The following ARL13B variants were observed in gnomAD, a reference collection of about 807,000 sequenced individuals.
ARL13B encodes the protein ADP-ribosylation factor-like protein 13B.
ARL13B carries 36 observed loss-of-function variants against 56.1 expected under a neutral mutation model. The ratio of observed to expected loss-of-function variants is 0.64; its 90% CI spans 0.49 to 0.85. ARL13B has a LOEUF of 0.85. Among genes scored for constraint, ARL13B ranks in the 40% least tolerant of loss-of-function variants. The probability of loss-of-function intolerance (pLI) is 0.00; values close to 1 mark genes in which losing one functional copy is unlikely to be tolerated. For missense variants in ARL13B, 519 were observed against 507.1 expected, an observed-to-expected ratio of 1.02 and a Z score of -0.23; for synonymous variants, 178 against 171.1, an observed-to-expected ratio of 1.04 and a Z score of -0.32.
rs1230469367 is a variant in ARL13B at position 94,053,862 on chromosome 3, G to C, written c.*599G>C. ...AACAGGATATATTTATATGGCTTGA[G>C]GTATGTTTTGTAATAGCGTTGTTCT... On this transcript the variant is annotated 3_prime_UTR_variant, in exon 10 of 10. Coordinates refer to ENST00000394222, the MANE Select transcript of ARL13B (RefSeq NM_001174150.2). 3.3e-6 allele frequency: 1 copy of C among 305,146 alleles called. No individual in the cohort carries two copies. The highest frequency in any genetic ancestry group is 6.4e-6 in the Non-Finnish European group (1 of 156,486). 18.9% of individuals were successfully genotyped at this position (305,146 alleles called of 1,614,324 possible).
At chr3:94,008,297 C>G (rs1303021237) in intron 3 of ARL13B, among the ~76,000 whole-genome samples, 1 of 152,062 alleles carries the variant, frequency 6.6e-6, no homozygotes, top group Admixed American at 6.6e-5. Flanking sequence ...TTGCCTGCTC[C>G]CCACCCCCCT....
intron 1 of ARL13B, among the ~76,000 whole-genome samples, chr3:93,985,798 G>A: frequency 6.6e-6 from 1 of 152,088 alleles, no homozygotes; most frequent in East Asian, 1.9e-4. Context: ...TTGTCCATCT[G>A]TGTTTTTTCA....
In ARL13B at chr3:94,055,286, G is replaced by T; in HGVS notation, c.*2023G>T. ...TAAAAATAATTTATATCAATATTCT[G>T]TTTCTCTTTTCAATTGGTAGATTTA... On this transcript the variant is annotated 3_prime_UTR_variant, in exon 10 of 10. Coordinates refer to ENST00000394222, the MANE Select transcript of ARL13B (RefSeq NM_001174150.2). 2.4e-6 allele frequency: 1 copy of T among 414,890 alleles called. No individual in the cohort carries two copies. The highest frequency in any genetic ancestry group is 4.7e-6 in the Non-Finnish European group (1 of 213,052). 25.7% of individuals were successfully genotyped at this position (414,890 alleles called of 1,614,324 possible). A position where few individuals can be genotyped will look rare whatever the true frequency, so the allele number is the denominator to read the frequency against.
At chr3:94,006,187 C>T (rs1468012439) in intron 3 of ARL13B, among the ~76,000 whole-genome samples, 2 of 151,848 alleles carry the variant, frequency 1.3e-5, no homozygotes, top group Admixed American at 6.6e-5. Flanking sequence ...CCCAGCTACT[C>T]GGGAGGCTGA....
At chr3:94,007,201 GCTT>G (rs1293882067) in intron 3 of ARL13B, among the ~76,000 whole-genome samples, 1 of 152,156 alleles carries the variant, frequency 6.6e-6, no homozygotes, top group Non-Finnish European at 1.5e-5. Context: ...CCTCTGAAAA[GCTT>G]CATTTAATAG....
At position 94,045,287 on chromosome 3, in the gene ARL13B, C is replaced by T. The variant is rs147364290; in HGVS notation, c.1024+2047C>T. 3.1e-3 allele frequency among the ~76,000 whole-genome samples: 476 copies of T among 151,880 alleles called. 3 individuals are homozygous for T. The highest frequency in any genetic ancestry group is 0.011 in the African/African-American group (445 of 41,410). ...CGTCACCACTCCCTAGTCTGAAGTACCCAGGGACACAAACACTGCGGAAGG... is the reference window on the plus strand; with the variant it reads ...CGTCACCACTCCCTAGTCTGAAGTATCCAGGGACACAAACACTGCGGAAGG... On this transcript the variant is annotated intron_variant, in intron 7 of 9. Transcript: ENST00000394222.
Position 94,036,577 on chromosome 3 carries a change from A to G in ARL13B, c.512A>G (p.Tyr171Cys), listed in dbSNP as rs1311969127. Reference sequence around the variant, plus strand: ...GAACCATGTTCAGCAATCTCGGGGTATGGAAAGAAAATTGACAAGTCCATT... The same window carrying G: ...GAACCATGTTCAGCAATCTCGGGGTGTGGAAAGAAAATTGACAAGTCCATT... ...QIEPCSAISG[Y>C]GKKIDKSIKK... The change falls in exon 5 of 10, where the codon TAT (tyrosine) becomes TGT (cysteine). Residue 171 changes from tyrosine (Y) to cysteine (C), a missense_variant. By Grantham distance (194) the Tyr-to-Cys change is radical. Coordinates refer to ENST00000394222, the MANE Select transcript of ARL13B (RefSeq NM_001174150.2). 8 of 1,614,104 alleles carry G rather than the reference A, an allele frequency of 5.0e-6. No individual in the cohort carries two copies. Among genetic ancestry groups the G allele is most frequent in the Non-Finnish European group, 6.8e-6 (8 of 1,180,014 alleles).
intron 2 of ARL13B, among the ~76,000 whole-genome samples, chr3:93,998,392 T>C (rs1436639642): frequency 6.6e-6 from 1 of 152,156 alleles, no homozygotes; most frequent in Non-Finnish European, 1.5e-5. Context: ...GTCTAGAAAA[T>C]GCTTAATGTC....
chr3:94,020,116 T>G (rs948947901), intron 3 of ARL13B, among the ~76,000 whole-genome samples: 1 of 152,160 alleles, frequency 6.6e-6, no homozygotes, highest in Non-Finnish European at 1.5e-5. Context: ...AGATCAAGGG[T>G]TTTTATTCAT....
In ARL13B at chr3:94,036,744, CGAG is replaced by C. The variant is rs1560004664; in HGVS notation, c.680_682del (p.Arg227_Glu228delinsGln). 1 of 1,610,278 alleles carries C rather than the reference CGAG, an allele frequency of 6.2e-7. No individual in the cohort carries two copies. The highest frequency in any genetic ancestry group is 8.5e-7 in the Non-Finnish European group (1 of 1,177,980). ...AAGAGCTGAACGAGTGCGAAAATTA[CGAG>C]AAGAAAGGTAAGTAGATTAATTTTG... On this transcript the variant is annotated inframe_deletion, in exon 5 of 10. Coordinates refer to ENST00000394222, the MANE Select transcript of ARL13B (RefSeq NM_001174150.2).
intron 3 of ARL13B, among the ~76,000 whole-genome samples, chr3:94,031,037 C>G (rs1035324729): frequency 5.3e-5 from 8 of 151,796 alleles, no homozygotes; most frequent in East Asian, 3.9e-4. Flanking sequence ...AAAGAACGTT[C>G]GAACACTAGC....
chr3:94,015,390 T>C, intron 3 of ARL13B: 2 of 765,686 alleles, frequency 2.6e-6, no homozygotes, highest in Middle Eastern at 2.6e-4. Context: ...TCTCCTAGTT[T>C]TCTCAAATGA....
At chr3:94,003,539 A>G (rs2076086462) in intron 2 of ARL13B, 120 bp from the exon 3 acceptor site, 1 of 1,135,708 alleles carries the variant, frequency 8.8e-7, no homozygotes, top group Non-Finnish European at 1.3e-6. Context: ...GCTTCAAAAT[A>G]ATGTTTATTG....
chr3:94,014,660 T>TA, intron 3 of ARL13B: 1 of 1,613,664 alleles, frequency 6.2e-7, no homozygotes, highest in Non-Finnish European at 8.5e-7. Flanking sequence ...GCTTTAGTGA[T>TA]ATTGATTTCT....
intron 7 of ARL13B, among the ~76,000 whole-genome samples, chr3:94,044,473 G>T (rs2076940169): frequency 6.8e-6 from 1 of 147,442 alleles, no homozygotes; most frequent in African/African-American, 2.5e-5. Flanking sequence ...CGTCTGGGAA[G>T]TGGGGAGCGC....
intron 2 of ARL13B, 92 bp downstream of exon 2, chr3:93,996,036 G>T (rs2075960287): frequency 2.3e-6 from 3 of 1,286,324 alleles, no homozygotes; most frequent in East Asian, 5.1e-5. Context: ...TATTAATTTG[G>T]TACAGATACT....
At chr3:93,991,132 G>C (rs2107358453) in intron 1 of ARL13B, among the ~76,000 whole-genome samples, 1 of 152,226 alleles carries the variant, frequency 6.6e-6, no homozygotes, top group East Asian at 1.9e-4. Flanking sequence ...TACTTTAATT[G>C]TATTACCATC....
chr3:93,994,366 C>T (rs887407896), intron 1 of ARL13B, among the ~76,000 whole-genome samples: 1 of 152,128 alleles, frequency 6.6e-6, no homozygotes, highest in African/African-American at 2.4e-5. Flanking sequence ...TCTGCCTTGA[C>T]CACCCTATAT....
intron 1 of ARL13B, among the ~76,000 whole-genome samples, chr3:93,987,172 A>T (rs1189360551): frequency 3.0e-4 from 40 of 134,366 alleles, no homozygotes; most frequent in Non-Finnish European, 6.1e-4. Context: ...TTTTTTTTTT[A>T]AATAGAGACA....
Sources: gnomAD v4.1 joint callset for allele counts (sites outside exome capture counted in the v4.1 genomes callset) on GRCh38, gnomAD v4.1.1 for gene constraint, MANE v1.5 for transcripts, NCBI Gene and HGNC (gene_info 2026-07-23, HGNC 2026-07-21) for gene names.